The following PLA2G4A variants were observed in gnomAD, a reference collection of about 807,000 sequenced individuals.
The protein encoded by PLA2G4A is phospholipase A2 group IVA.
Under a neutral mutation model 81.9 loss-of-function variants are expected in PLA2G4A, and 40 were observed. The ratio of observed to expected loss-of-function variants is 0.49; its 90% CI spans 0.38 to 0.64. PLA2G4A has a LOEUF of 0.64. Among genes scored for constraint, PLA2G4A ranks in the 30% least tolerant of loss-of-function variants. The pLI is 0.00. For missense variants in PLA2G4A, 715 were observed against 905.1 expected (o/e 0.79, Z 2.69); for synonymous variants, 302 against 296.9 (o/e 1.02, Z -0.18).
At chr1:186,908,039 A>C (rs1654802919) in intron 6 of PLA2G4A, among the ~76,000 whole-genome samples, 12 of 152,114 alleles carry the variant, frequency 7.9e-5, no homozygotes, top group Admixed American at 7.9e-4. Context: ...TAATATTAAA[A>C]ATTTCTTTTT....
At chr1:186,854,212 C>CAT in intron 1 of PLA2G4A, 74 bp from the exon 2 acceptor site, 1 of 635,462 alleles carries the variant, frequency 1.6e-6, no homozygotes, top group Non-Finnish European at 2.8e-6. Context: ...TCCTAAGACG[C>CAT]ATACTCATAA....
chr1:186,907,032 A>G lies in PLA2G4A; in HGVS notation c.416+30A>G, dbSNP rs1349336135. 6 of 1,187,310 alleles carry G rather than the reference A, an allele frequency of 5.1e-6. No individual in the cohort carries two copies. The Admixed American group carries it at 8.4e-5, about 17-fold the overall frequency. The allele number at this position is 1,187,310 out of a possible 1,614,324, so 73.5% of individuals were successfully genotyped here. ...GTGCATTTATTTAGTTGGATGAGAA[A>G]TATTGTGAGTGATCCACTAATTTAT... On this transcript the variant is annotated intron_variant, in intron 6 of 17. Coordinates refer to ENST00000367466, the MANE Select transcript of PLA2G4A (RefSeq NM_024420.3).
rs1392662713 is a variant in PLA2G4A at position 186,977,697 on chromosome 1, T to A, written c.1869T>A (p.Phe623Leu). 4.3e-6 allele frequency: 7 copies of A among 1,613,302 alleles called. No individual in the cohort carries two copies. Among genetic ancestry groups the A allele is most frequent in the Non-Finnish European group, 5.9e-6 (7 of 1,179,356 alleles). The change falls in exon 16 of 18, where the codon TTT becomes TTA. Residue 623 changes from phenylalanine to leucine, a missense_variant. By Grantham distance (22) the Phe-to-Leu change is conservative. Transcript: ENST00000367466. ...DREGLKECYV[F>L]KPKNPDMEKD... Reference sequence around the variant, plus strand: ...AAGGGCTGAAGGAGTGCTATGTCTTTAAACCCAAGAATCCTGATATGGAGA... The same window carrying A: ...AAGGGCTGAAGGAGTGCTATGTCTTAAAACCCAAGAATCCTGATATGGAGA...
intron 17 of PLA2G4A, among the ~76,000 whole-genome samples, chr1:186,986,108 A>C (rs1439210255): frequency 6.6e-6 from 1 of 152,178 alleles, no homozygotes; most frequent in Non-Finnish European, 1.5e-5. Context: ...CAACTTGCAC[A>C]TTCTAACTTG....
intron 7 of PLA2G4A, among the ~76,000 whole-genome samples, chr1:186,932,294 C>CTTTTTTTTTTTTTTTTTTTTTT (rs67757094): frequency 7.2e-6 from 1 of 138,560 alleles, no homozygotes. Flanking sequence ...TTTTCTTTTT[C>CTTTTTTTTTTTTTTTTTTTTTT]TTTTTTTTTT....
intron 10 of PLA2G4A, among the ~76,000 whole-genome samples, chr1:186,944,931 G>A (rs931915093): frequency 6.6e-6 from 1 of 152,100 alleles, no homozygotes; most frequent in Non-Finnish European, 1.5e-5. Flanking sequence ...AATGAATTCA[G>A]ATTAGATTTT....
Position 186,966,339 on chromosome 1 carries a change from C to T in PLA2G4A, c.1764+746C>T, listed in dbSNP as rs192310466. Among the ~76,000 whole-genome samples, 78 of 151,982 alleles carry T rather than the reference C, an allele frequency of 5.1e-4. 1 individual carries two copies. The highest frequency in any genetic ancestry group is 1.8e-3 in the African/African-American group (75 of 41,434). ...AGAGATGAGATATAGGATGAAGTCA[C>T]ATCTCTGGGAAGGATGTAGGGATGG... On this transcript the variant is annotated intron_variant, in intron 15 of 17. Coordinates refer to ENST00000367466, the MANE Select transcript of PLA2G4A (RefSeq NM_024420.3).
chr1:186,881,390 C>A (rs6665700), intron 3 of PLA2G4A, among the ~76,000 whole-genome samples: 5,517 of 152,132 alleles, frequency 0.036, 340 homozygotes, highest in African/African-American at 0.13. Context: ...AATCTTTACT[C>A]CTTTCTCCCC....
intron 3 of PLA2G4A, among the ~76,000 whole-genome samples, chr1:186,872,473 A>G (rs1002229344): frequency 2.0e-5 from 3 of 152,092 alleles, no homozygotes; most frequent in Non-Finnish European, 4.4e-5. Context: ...GACTTTCAAA[A>G]ATACAGCTAT....
chr1:186,880,622 TAATG>T (rs777774798), intron 3 of PLA2G4A, among the ~76,000 whole-genome samples: 7 of 152,030 alleles, frequency 4.6e-5, no homozygotes, highest in Non-Finnish European at 1.0e-4. Context: ...AATCTCTTTT[TAATG>T]AAAAAGAATA....
intron 2 of PLA2G4A, among the ~76,000 whole-genome samples, chr1:186,863,084 T>C (rs1460233237): frequency 1.3e-5 from 2 of 152,178 alleles, no homozygotes; most frequent in Non-Finnish European, 2.9e-5. Context: ...ATGATGAATA[T>C]ATCATTAAGT....
chr1:186,835,158 T>C (rs1220292020), intron 1 of PLA2G4A, among the ~76,000 whole-genome samples: 2 of 152,200 alleles, frequency 1.3e-5, no homozygotes, highest in Non-Finnish European at 2.9e-5. Flanking sequence ...GACACACTTC[T>C]TATTTGCCCC....
chr1:186,938,157 G>A (rs538209809), intron 8 of PLA2G4A, among the ~76,000 whole-genome samples: 1 of 152,050 alleles, frequency 6.6e-6, no homozygotes, highest in Non-Finnish European at 1.5e-5. Flanking sequence ...GGCTAAAAAA[G>A]ATGAATAAAC....
At chr1:186,841,549 A>G (rs913549387) in intron 1 of PLA2G4A, among the ~76,000 whole-genome samples, 2 of 152,132 alleles carry the variant, frequency 1.3e-5, no homozygotes, top group South Asian at 2.1e-4. Flanking sequence ...GGTGAGGTTT[A>G]TTTATATCTT....
intron 3 of PLA2G4A, among the ~76,000 whole-genome samples, chr1:186,888,584 A>G (rs1263791973): frequency 2.0e-5 from 3 of 152,220 alleles, no homozygotes; most frequent in Non-Finnish European, 4.4e-5. Context: ...GTAACTGCTT[A>G]TCTTCAATTT....
At chr1:186,921,009 A>G (rs187851194) in intron 7 of PLA2G4A, among the ~76,000 whole-genome samples, 1 of 152,344 alleles carries the variant, frequency 6.6e-6, no homozygotes, top group East Asian at 1.9e-4. Context: ...ACATAGGGTA[A>G]GCCTCACACA....
intron 15 of PLA2G4A, among the ~76,000 whole-genome samples, chr1:186,971,563 T>C (rs903531961): frequency 6.6e-6 from 1 of 151,954 alleles, no homozygotes; most frequent in Non-Finnish European, 1.5e-5. Flanking sequence ...TAATATAGTT[T>C]TTCTTGTCTC....
At chr1:186,929,286 G>T (rs1655656353) in intron 7 of PLA2G4A, among the ~76,000 whole-genome samples, 1 of 152,164 alleles carries the variant, frequency 6.6e-6, no homozygotes, top group African/African-American at 2.4e-5. Context: ...CTTGAAAAAT[G>T]AAACAAACAA....
At chr1:186,971,401 C>T (rs559932050) in intron 15 of PLA2G4A, among the ~76,000 whole-genome samples, 4 of 152,062 alleles carry the variant, frequency 2.6e-5, no homozygotes, top group Non-Finnish European at 5.9e-5. Context: ...GTTTTAAAAT[C>T]ATTTTGTCAA....
Sources: allele counts gnomAD v4.1 joint callset (sites outside exome capture counted in the v4.1 genomes callset), GRCh38; gene constraint gnomAD v4.1.1; transcripts MANE v1.5; gene names NCBI Gene and HGNC (gene_info 2026-07-23, HGNC 2026-07-21).